ZNF536: variants seen among roughly 807,000 people sequenced by gnomAD.
The protein encoded by ZNF536 is zinc finger protein 536.
In ZNF536, 13 loss-of-function variants were observed where a neutral mutation model predicts 84.5. That is an observed-to-expected ratio of 0.15 (90% CI 0.10 to 0.24). The LOEUF is 0.24. Ranked by LOEUF, ZNF536 falls within the 10% of genes least tolerant of loss-of-function variation. The pLI, the probability that ZNF536 is intolerant of heterozygous loss-of-function variation, is 1.00. For synonymous variants in ZNF536, 811 were observed against 742.5 expected (o/e 1.09, Z -1.50); for missense variants, 1,536 against 1,747.5 (o/e 0.88, Z 2.16).
At chr19:30,630,423 GTGTGTGTT>G (rs1424775042) in intron 1 of ZNF536, among the ~76,000 whole-genome samples, 1 of 152,082 alleles carries the variant, frequency 6.6e-6, no homozygotes, top group African/African-American at 2.4e-5. Flanking sequence ...GTGTGTGTGT[GTGTGTGTT>G]TGTGTACCTG....
chr19:30,692,543 A>T (rs1012285469), intron 1 of ZNF536, among the ~76,000 whole-genome samples: 8 of 152,306 alleles, frequency 5.3e-5, no homozygotes, highest in Non-Finnish European at 1.0e-4. Context: ...TAAGGGGGGA[A>T]ATCTCAAATT....
intron 1 of ZNF536, among the ~76,000 whole-genome samples, chr19:30,398,797 T>C (rs1300075276): frequency 1.3e-5 from 2 of 152,228 alleles, no homozygotes; most frequent in South Asian, 4.1e-4. Flanking sequence ...GTGCCACATT[T>C]TCTTTATCCA....
rs915135987 is a variant in ZNF536 at position 30,457,057 on chromosome 19, C to CA, written c.2170+11334dup. Among the ~76,000 whole-genome samples the CA allele has an allele frequency of 1.3e-4, 17 of 131,576 alleles. 1 individual carries two copies. The South Asian group carries it at 1.4e-3, about 11-fold the overall frequency. The allele number at this position is 131,576 out of a possible 152,430, so 86.3% of individuals were successfully genotyped here. A position where few individuals can be genotyped will look rare whatever the true frequency, so the allele number is the denominator to read the frequency against. On this transcript the variant is annotated intron_variant, in intron 2 of 4. Transcript: ENST00000355537. ...ACTTCATCTCAAAAAAAAAAAAAAA[C>CA]AAAAAAAAAGATGAATAGAGATGCA...
At chr19:30,667,760 C>T (rs1033161606) in intron 1 of ZNF536, among the ~76,000 whole-genome samples, 2 of 151,426 alleles carry the variant, frequency 1.3e-5, no homozygotes, top group Non-Finnish European at 2.9e-5. Context: ...TGAACAGCTC[C>T]CAGCCTATTT....
In ZNF536 at chr19:30,702,897, A is replaced by T. The variant is rs572785466; in HGVS notation, c.170-7860A>T. ...CAACAATCATCAAAAAACCCAAACA[A>T]CCCCAAAATAAAAGCTCAGTCCTTG... On this transcript the variant is annotated intron_variant, in intron 1 of 1. Transcript: ENST00000592773. Among the ~76,000 whole-genome samples the T allele has an allele frequency of 5.3e-5, 8 of 152,092 alleles. No individual in the cohort carries two copies. In the South Asian group the frequency reaches 1.7e-3, roughly 32 times the overall value.
chr19:30,595,076 G>C (rs963292059), intron 1 of ZNF536, among the ~76,000 whole-genome samples: 4 of 152,082 alleles, frequency 2.6e-5, no homozygotes, highest in Admixed American at 2.0e-4. Flanking sequence ...TCAAAGTGTG[G>C]CCAAGGAAGC....
chr19:30,666,535 C>T (rs775932984), intron 1 of ZNF536, among the ~76,000 whole-genome samples: 17 of 152,032 alleles, frequency 1.1e-4, no homozygotes, highest in Non-Finnish European at 1.9e-4. Flanking sequence ...ACCCACATTT[C>T]TATTACTGTT....
At chr19:30,700,242 C>CTT (rs57308094) in intron 1 of ZNF536, among the ~76,000 whole-genome samples, 12 of 104,386 alleles carry the variant, frequency 1.1e-4, no homozygotes, top group Admixed American at 3.1e-4. Flanking sequence ...CTTTCTTTCT[C>CTT]TCTCTCTCTC....
chr19:30,458,362 G>A (rs1180706936), intron 2 of ZNF536, among the ~76,000 whole-genome samples: 2 of 151,350 alleles, frequency 1.3e-5, no homozygotes, highest in South Asian at 2.1e-4. Flanking sequence ...CATGGCTTGG[G>A]GGTGATTTTA....
intron 1 of ZNF536, among the ~76,000 whole-genome samples, chr19:30,278,933 G>A (rs368614470): frequency 6.6e-6 from 1 of 151,970 alleles, no homozygotes; most frequent in Admixed American, 6.6e-5. Flanking sequence ...AACCCTTTCC[G>A]ACTAGGTACG....
chr19:30,509,906 C>T (rs568068872), intron 2 of ZNF536, among the ~76,000 whole-genome samples: 1 of 152,278 alleles, frequency 6.6e-6, no homozygotes, highest in East Asian at 1.9e-4. Flanking sequence ...GGTGAAATTC[C>T]ATGTTCCTGT....
chr19:30,242,983 T>C (rs1599859393), intron 1 of ZNF536, among the ~76,000 whole-genome samples: 1 of 152,200 alleles, frequency 6.6e-6, no homozygotes, highest in Non-Finnish European at 1.5e-5. Context: ...TGCATACATA[T>C]CGTATTTCAC....
chr19:30,499,635 C>T (rs1301279225), intron 2 of ZNF536, among the ~76,000 whole-genome samples: 1 of 152,198 alleles, frequency 6.6e-6, no homozygotes, highest in South Asian at 2.1e-4. Context: ...TTGCATCAAA[C>T]GTATTTACAC....
At chr19:30,473,537 T>A (rs1328391206) in intron 2 of ZNF536, among the ~76,000 whole-genome samples, 1 of 152,168 alleles carries the variant, frequency 6.6e-6, no homozygotes, top group Non-Finnish European at 1.5e-5. Flanking sequence ...AAGTAACAAA[T>A]CTGCTTCACA....
intron 1 of ZNF536, among the ~76,000 whole-genome samples, chr19:30,707,011 G>A (rs999358598): frequency 1.3e-5 from 2 of 152,176 alleles, no homozygotes; most frequent in East Asian, 1.9e-4. Flanking sequence ...AATTGGGCCC[G>A]CCTTTTTCTT....
chr19:30,582,345 C>G lies in ZNF536; in HGVS notation c.169+32831C>G, dbSNP rs149721234. Reference sequence around the variant, plus strand: ...CTGCAGCTTCCAATTCTCTACACAGCTGATGTCCTGGCTTCTCTTCCTAGT... The same window carrying G: ...CTGCAGCTTCCAATTCTCTACACAGGTGATGTCCTGGCTTCTCTTCCTAGT... On this transcript the variant is annotated intron_variant, in intron 1 of 1. Transcript: ENST00000592773. 4.6e-4 allele frequency among the ~76,000 whole-genome samples: 68 copies of G among 149,320 alleles called. 2 individuals carry two copies. Among genetic ancestry groups the G allele is most frequent in the African/African-American group, 1.6e-3 (67 of 40,696 alleles).
intron 1 of ZNF536, among the ~76,000 whole-genome samples, chr19:30,247,947 C>T (rs980321680): frequency 2.6e-5 from 4 of 152,176 alleles, no homozygotes; most frequent in African/African-American, 4.8e-5. Context: ...GAGTATTTCA[C>T]GCCACAATCA....
At chr19:30,671,977 C>T (rs554818543) in intron 1 of ZNF536, among the ~76,000 whole-genome samples, 8 of 152,304 alleles carry the variant, frequency 5.3e-5, no homozygotes, top group East Asian at 3.9e-4. Context: ...TAGGACTTTA[C>T]GGAGCGTGGT....
intron 1 of ZNF536, among the ~76,000 whole-genome samples, chr19:30,398,044 G>T (rs975982694): frequency 3.3e-5 from 5 of 152,170 alleles, no homozygotes; most frequent in Admixed American, 2.6e-4. Flanking sequence ...AAGTTGCAAA[G>T]ATAGTATGGA....
Sources: allele counts gnomAD v4.1 joint callset (sites outside exome capture counted in the v4.1 genomes callset), GRCh38; gene constraint gnomAD v4.1.1; transcripts MANE v1.5; gene names NCBI Gene and HGNC (gene_info 2026-07-23, HGNC 2026-07-21).